Variants in TSHR observed in about 807,000 individuals in gnomAD.
TSHR encodes thyrotropin receptor.
TSHR carries 51 observed loss-of-function variants against 64.1 expected under a neutral mutation model. That is an observed-to-expected ratio of 0.80 (90% CI 0.64 to 1.01). TSHR has a LOEUF of 1.01. TSHR is among the 50% of genes least tolerant of loss of function. TSHR has a pLI of 0.00. For missense variants in TSHR, 877 were observed against 942.8 expected, an observed-to-expected ratio of 0.93 and a Z score of 0.91; for synonymous variants, 361 against 361.9, an observed-to-expected ratio of 1.00 and a Z score of 0.03.
chr14:80,967,166 T>TTA (rs200607419), intron 1 of TSHR, among the ~76,000 whole-genome samples: 8,225 of 107,602 alleles, frequency 0.076, 748 homozygotes, highest in African/African-American at 0.22. Context: ...GAAAAAAAAA[T>TTA]TATATATATA....
chr14:81,061,569 C>T (rs534041149), intron 1 of TSHR, among the ~76,000 whole-genome samples: 1 of 152,138 alleles, frequency 6.6e-6, no homozygotes, highest in African/African-American at 2.4e-5. Context: ...CACATGTTCT[C>T]ACTTATAAGT....
At chr14:81,037,304 A>C (rs1884676326) in intron 1 of TSHR, among the ~76,000 whole-genome samples, 1 of 150,230 alleles carries the variant, frequency 6.7e-6, no homozygotes, top group African/African-American at 2.4e-5. Context: ...AAAGAAAAAA[A>C]TTACGGCAGA....
At chr14:81,009,734 G>A (rs1230329471) in intron 1 of TSHR, among the ~76,000 whole-genome samples, 2 of 151,832 alleles carry the variant, frequency 1.3e-5, no homozygotes, top group African/African-American at 4.8e-5. Context: ...TGGCTATCTA[G>A]TATTTTGTCA....
At chr14:81,007,568 T>A (rs1299673986) in intron 1 of TSHR, among the ~76,000 whole-genome samples, 19 of 152,240 alleles carry the variant, frequency 1.2e-4, no homozygotes, top group Non-Finnish European at 2.8e-4. Context: ...GCTATCCACA[T>A]GTCCTATCAC....
At chr14:81,052,143 TC>T in intron 1 of TSHR, 1 of 152,182 alleles carries the variant, frequency 6.6e-6, no homozygotes, top group East Asian at 1.9e-4. Flanking sequence ...AAGGAGCTTT[TC>T]TCCTAGTCTT....
rs987999049 is a variant in TSHR at position 81,143,099 on chromosome 14, T to A, written c.1041T>A (p.His347Gln). The change falls in exon 10 of 10, where the codon CAT (histidine) becomes CAA (glutamine). Residue 347 changes from histidine (H) to glutamine (Q), a missense_variant. By Grantham distance (24) the His-to-Gln change is conservative. Transcript: ENST00000298171. ...YKEKSKFQDT[H>Q]NNAHYYVFFE... Reference sequence around the variant, plus strand: ...AAAAGTCCAAGTTCCAGGATACTCATAACAACGCTCATTATTACGTCTTCT... The same window carrying A: ...AAAAGTCCAAGTTCCAGGATACTCAAAACAACGCTCATTATTACGTCTTCT... 1 of 1,614,072 alleles carries A rather than the reference T, an allele frequency of 6.2e-7. No homozygotes were observed. Among genetic ancestry groups the A allele is most frequent in the African/African-American group, 1.3e-5 (1 of 74,906 alleles).
intron 8 of TSHR, among the ~76,000 whole-genome samples, chr14:81,134,106 C>T (rs1220795549): frequency 6.6e-6 from 1 of 151,924 alleles, no homozygotes; most frequent in East Asian, 1.9e-4. Flanking sequence ...CTCAAATATG[C>T]TGGTTTTATT....
chr14:81,135,107 T>C (rs1891401041), intron 8 of TSHR, among the ~76,000 whole-genome samples: 1 of 152,088 alleles, frequency 6.6e-6, no homozygotes, highest in African/African-American at 2.4e-5. Context: ...AAAGTACCAA[T>C]TGAATATAAG....
chr14:81,103,495 A>G lies in TSHR; in HGVS notation c.615-4880A>G. 2.0e-6 allele frequency: 2 copies of G among 985,456 alleles called. No individual in the cohort carries two copies. Among genetic ancestry groups the G allele is most frequent in the Non-Finnish European group, 2.4e-6 (2 of 829,934 alleles). The allele number at this position is 985,456 out of a possible 1,614,324, so 61.0% of individuals were successfully genotyped here. A position where few individuals can be genotyped will look rare whatever the true frequency, so the allele number is the denominator to read the frequency against. ...ATTTTTTAAAATGTAACTGAATAAT[A>G]CAATTACAGCCAAGCTGGACAAATT... On this transcript the variant is annotated intron_variant, in intron 7 of 9. Coordinates refer to ENST00000298171, the MANE Select transcript of TSHR (RefSeq NM_000369.5). The surrounding 1 kb of genome is among the most constrained non-coding windows in gnomAD (Gnocchi z 4.1).
At chr14:81,073,017 A>AAAAAAAAAAAT (rs1555376957) in intron 3 of TSHR, among the ~76,000 whole-genome samples, 14 of 91,186 alleles carry the variant, frequency 1.5e-4, no homozygotes, top group African/African-American at 5.8e-4. Context: ...AAAAATAAAA[A>AAAAAAAAAAAT]ATAAATATAT....
intron 7 of TSHR, among the ~76,000 whole-genome samples, chr14:81,106,091 A>G (rs1284350804): frequency 1.3e-5 from 2 of 152,184 alleles, no homozygotes; most frequent in Admixed American, 1.3e-4. Context: ...GAAGGCACAG[A>G]TTGGCTGCTT....
chr14:80,970,796 C>A (rs1887551192), intron 1 of TSHR, among the ~76,000 whole-genome samples: 1 of 152,230 alleles, frequency 6.6e-6, no homozygotes, highest in African/African-American at 2.4e-5. Flanking sequence ...GGGCAAGATA[C>A]AACTGTATGT....
In TSHR at chr14:80,999,200, T is replaced by A. The variant is rs150818800; in HGVS notation, c.170+43350T>A. ...ATATTCATCTTTTGAATACATAGGG[T>A]AAAAAGAGCTTACTATCTCATTTTT... On this transcript the variant is annotated intron_variant, in intron 1 of 9. Transcript: ENST00000298171. 6.6e-5 allele frequency among the ~76,000 whole-genome samples: 10 copies of A among 152,326 alleles called. No individual in the cohort carries two copies. The East Asian group carries it at 1.7e-3, about 26-fold the overall frequency.
chr14:80,984,854 A>G (rs1445909262), intron 1 of TSHR, among the ~76,000 whole-genome samples: 1 of 152,138 alleles, frequency 6.6e-6, no homozygotes, highest in Non-Finnish European at 1.5e-5. Flanking sequence ...AGCAAGGGGA[A>G]CTTGTTAGAT....
At chr14:81,065,039 G>A (rs1026107076) in intron 2 of TSHR, among the ~76,000 whole-genome samples, 2 of 152,072 alleles carry the variant, frequency 1.3e-5, no homozygotes, top group Non-Finnish European at 2.9e-5. Context: ...CAGACACTTT[G>A]AAGGGTGACA....
intron 3 of TSHR, among the ~76,000 whole-genome samples, chr14:81,070,779 G>T (rs1887013114): frequency 6.6e-6 from 1 of 151,820 alleles, no homozygotes; most frequent in Non-Finnish European, 1.5e-5. Context: ...GCAAATATCT[G>T]CCAACCCAAC....
At chr14:81,028,924 T>TAAGGTAAGG (rs1358015955) in intron 1 of TSHR, among the ~76,000 whole-genome samples, 1 of 151,940 alleles carries the variant, frequency 6.6e-6, no homozygotes, top group African/African-American at 2.4e-5. Context: ...GTAAGGTTGA[T>TAAGGTAAGG]TGAGGAAATA....
At chr14:81,123,455 C>T (rs1358632106) in intron 8 of TSHR, among the ~76,000 whole-genome samples, 2 of 152,080 alleles carry the variant, frequency 1.3e-5, no homozygotes, top group African/African-American at 4.8e-5. Context: ...TTTTTATAAC[C>T]TTCCTGTATC....
chr14:81,002,181 T>A (rs1247473429), intron 1 of TSHR, among the ~76,000 whole-genome samples: 3 of 152,190 alleles, frequency 2.0e-5, no homozygotes, highest in East Asian at 1.9e-4. Context: ...ATATGTATAT[T>A]ACCTTTCTAA....
Sources: gnomAD v4.1 joint callset for allele counts (sites outside exome capture counted in the v4.1 genomes callset) on GRCh38, gnomAD v4.1.1 for gene constraint, Gnocchi (gnomAD v3.1) non-coding constraint, MANE v1.5 for transcripts, NCBI Gene and HGNC (gene_info 2026-07-23, HGNC 2026-07-21) for gene names.